The following COL19A1 variants were observed in gnomAD, a reference collection of about 807,000 sequenced individuals.
The protein encoded by COL19A1 is collagen type XIX alpha 1 chain.
COL19A1 carries 159 observed loss-of-function variants against 190.2 expected under a neutral mutation model. That is an observed-to-expected ratio of 0.84 (90% CI 0.73 to 0.95). COL19A1 has a LOEUF of 0.95. COL19A1 is among the 40% of genes least tolerant of loss of function. The probability of loss-of-function intolerance (pLI) is 0.00; values close to 1 mark genes in which losing one functional copy is unlikely to be tolerated. For synonymous variants in COL19A1, 509 were observed against 458.9 expected (o/e 1.11, Z -1.39); for missense variants, 1,418 against 1,431.9 (o/e 0.99, Z 0.16).
intron 9 of COL19A1, among the ~76,000 whole-genome samples, chr6:69,946,884 T>C (rs953155659): frequency 6.6e-6 from 1 of 151,912 alleles, no homozygotes; most frequent in Admixed American, 6.6e-5. Context: ...TGTGGCCCTA[T>C]AGTAGGGCTG....
At chr6:70,123,450 A>G (rs1211371791) in intron 17 of COL19A1, among the ~76,000 whole-genome samples, 1 of 151,460 alleles carries the variant, frequency 6.6e-6, no homozygotes, top group Non-Finnish European at 1.5e-5. Flanking sequence ...CAGCCATCCC[A>G]TTACTGGGTA....
intron 15 of COL19A1, among the ~76,000 whole-genome samples, chr6:70,082,804 CTG>C (rs1782343866): frequency 6.6e-6 from 1 of 152,150 alleles, no homozygotes; most frequent in Admixed American, 6.5e-5. Context: ...TTTTCAAGGA[CTG>C]GGGTTGAAGA....
At chr6:69,977,027 C>T (rs138566702) in intron 11 of COL19A1, among the ~76,000 whole-genome samples, 13,101 of 152,124 alleles carry the variant, frequency 0.086, 663 homozygotes, top group East Asian at 0.2. Context: ...GATCTAGAAC[C>T]AGAAATACCG....
At chr6:70,095,624 G>A (rs1374489473) in intron 15 of COL19A1, among the ~76,000 whole-genome samples, 1 of 152,172 alleles carries the variant, frequency 6.6e-6, no homozygotes, top group African/African-American at 2.4e-5. Context: ...TTGTGAAACA[G>A]ATCTCCAGAA....
chr6:70,114,379 T>C (rs1038710450), intron 16 of COL19A1, among the ~76,000 whole-genome samples: 2 of 152,204 alleles, frequency 1.3e-5, no homozygotes, highest in East Asian at 3.9e-4. Context: ...CAGACCTGAG[T>C]TGAAACCTAG....
At chr6:70,152,855 C>T (rs1011549477) in intron 31 of COL19A1, among the ~76,000 whole-genome samples, 1 of 152,088 alleles carries the variant, frequency 6.6e-6, no homozygotes, top group Non-Finnish European at 1.5e-5. Context: ...GGATGAGAAA[C>T]TTGTATGCTT....
chr6:70,084,466 A>G (rs1490865670), intron 15 of COL19A1, among the ~76,000 whole-genome samples: 1 of 152,240 alleles, frequency 6.6e-6, no homozygotes, highest in Non-Finnish European at 1.5e-5. Flanking sequence ...TCTTTGAAAT[A>G]TTAACAAATG....
intron 15 of COL19A1, chr6:70,098,698 A>C (rs1783436896): frequency 3.9e-6 from 1 of 256,884 alleles, no homozygotes; most frequent in Non-Finnish European, 7.7e-6. Context: ...TTCTGTGGCC[A>C]AGACCAAAGA....
At chr6:70,159,097 A>C (rs759560118) in intron 34 of COL19A1, among the ~76,000 whole-genome samples, 3 of 151,968 alleles carry the variant, frequency 2.0e-5, no homozygotes, top group Non-Finnish European at 4.4e-5. Context: ...AGACTATCTA[A>C]AAACTCACTC....
intron 16 of COL19A1, among the ~76,000 whole-genome samples, chr6:70,105,156 C>T (rs895170976): frequency 2.0e-5 from 3 of 152,008 alleles, no homozygotes; most frequent in Admixed American, 6.6e-5. Context: ...TAATAAAATA[C>T]CCAATTTGTT....
At chr6:70,045,778 T>G (rs1277474163) in intron 14 of COL19A1, among the ~76,000 whole-genome samples, 1 of 152,238 alleles carries the variant, frequency 6.6e-6, no homozygotes, top group Non-Finnish European at 1.5e-5. Flanking sequence ...TGCCCTAAAC[T>G]CTGTCCTCAG....
rs756778649 is a variant in COL19A1, at chr6:70,149,734, A to G, written c.1924A>G (p.Ile642Val). Reference sequence around the variant, plus strand: ...CCAAGGACCAGCTGGAGAGCCAGGTATTCAGGTAAGCTATTTAACTAATTT... The same window carrying G: ...CCAAGGACCAGCTGGAGAGCCAGGTGTTCAGGTAAGCTATTTAACTAATTT... ...GAQGPAGEPG[I>V]QGPRGLPGLP... Residue 642 changes from isoleucine (I) to valine (V), a missense_variant, in exon 28 of 51, where the codon ATT becomes GTT. Coordinates refer to ENST00000620364, the MANE Select transcript of COL19A1 (RefSeq NM_001858.6). 1.2e-6 allele frequency: 2 copies of G among 1,613,652 alleles called. No individual in the cohort carries two copies. The highest frequency in any genetic ancestry group is 1.1e-5 in the South Asian group (1 of 91,074).
intron 16 of COL19A1, among the ~76,000 whole-genome samples, chr6:70,102,958 T>C (rs959873800): frequency 3.3e-5 from 5 of 152,142 alleles, no homozygotes; most frequent in African/African-American, 1.2e-4. Flanking sequence ...TTAGCAACAT[T>C]GGGTTTTTTT....
intron 9 of COL19A1, among the ~76,000 whole-genome samples, chr6:69,954,611 T>C (rs530302824): frequency 6.6e-5 from 10 of 152,058 alleles, no homozygotes; most frequent in African/African-American, 1.9e-4. Context: ...TTAAATATAA[T>C]AGAAGTGTGT....
rs974907748 is a variant in COL19A1, at chr6:70,144,402, C to G, written c.1680+139C>G. On this transcript the variant is annotated intron_variant, in intron 24 of 50. Coordinates refer to ENST00000620364, the MANE Select transcript of COL19A1 (RefSeq NM_001858.6). ...ACATTAACTACAATGTAAATGGCAC[C>G]CCCTAGAGTTGTGCATTTGGCAGCC... The G allele has an allele frequency of 1.4e-5, 9 of 663,894 alleles. No homozygotes were observed. In the African/African-American group the frequency reaches 1.5e-4, roughly 11 times the overall value. The allele number at this position is 663,894 out of a possible 1,614,324, so 41.1% of individuals were successfully genotyped here. A position where few individuals can be genotyped will look rare whatever the true frequency, so the allele number is the denominator to read the frequency against.
chr6:70,088,148 A>AATTT (rs1297904439), intron 15 of COL19A1, among the ~76,000 whole-genome samples: 1 of 152,122 alleles, frequency 6.6e-6, no homozygotes, highest in African/African-American at 2.4e-5. Context: ...TGCCCTCCAG[A>AATTT]ATTTATAGTC....
chr6:69,910,223 C>G (rs1224776521), intron 4 of COL19A1, among the ~76,000 whole-genome samples: 1 of 152,040 alleles, frequency 6.6e-6, no homozygotes, highest in Non-Finnish European at 1.5e-5. Context: ...ACCCAGTTTC[C>G]AACAATGATA....
chr6:70,176,502 G>A lies in COL19A1; in HGVS notation c.2623-18G>A. 6.2e-7 allele frequency: 1 copy of A among 1,612,234 alleles called. No homozygotes were observed. Among genetic ancestry groups the A allele is most frequent in the Non-Finnish European group, 8.5e-7 (1 of 1,179,204 alleles). ...TCATTGATGTCATTAAAGTAGCAAT[G>A]TTTTTAAATCCCAACAGGGAGATCG... On this transcript the variant is annotated intron_variant, in intron 41 of 50. Coordinates refer to ENST00000620364, the MANE Select transcript of COL19A1 (RefSeq NM_001858.6).
At chr6:69,907,286 C>A (rs1770621923) in intron 4 of COL19A1, among the ~76,000 whole-genome samples, 1 of 151,824 alleles carries the variant, frequency 6.6e-6, no homozygotes, top group African/African-American at 2.4e-5. Context: ...CGTGCCACCA[C>A]TCCTGGCTAA....
Sources: allele counts gnomAD v4.1 joint callset (sites outside exome capture counted in the v4.1 genomes callset), GRCh38; gene constraint gnomAD v4.1.1; transcripts MANE v1.5; gene names NCBI Gene and HGNC (gene_info 2026-07-23, HGNC 2026-07-21).